The following UTRN variants were observed in gnomAD, a reference collection of about 807,000 sequenced individuals.
The protein encoded by UTRN is dystrophin-related protein 1.
Under a neutral mutation model 463.9 loss-of-function variants are expected in UTRN, and 283 were observed. That is an observed-to-expected ratio of 0.61 (90% CI 0.55 to 0.67). The LOEUF (loss-of-function observed/expected upper bound fraction) is 0.67. UTRN is among the 30% of genes least tolerant of loss of function. The pLI is 0.00. For missense variants in UTRN, 3,922 were observed against 4,084.3 expected (o/e 0.96, Z 1.08); for synonymous variants, 1,442 against 1,431.5 (o/e 1.01, Z -0.17).
chr6:144,760,689 G>A (rs1364786492), intron 58 of UTRN, among the ~76,000 whole-genome samples: 1 of 152,110 alleles, frequency 6.6e-6, no homozygotes, highest in African/African-American at 2.4e-5. Flanking sequence ...GAATGAAAAA[G>A]CTTTTAATAT....
At chr6:144,629,260 T>TA (rs1776265981) in intron 51 of UTRN, among the ~76,000 whole-genome samples, 1 of 151,768 alleles carries the variant, frequency 6.6e-6, no homozygotes, top group South Asian at 2.1e-4. Flanking sequence ...GGATGTGTAG[T>TA]AAAAAATCTA....
At chr6:144,667,083 C>T (rs900384311) in intron 51 of UTRN, among the ~76,000 whole-genome samples, 1 of 152,064 alleles carries the variant, frequency 6.6e-6, no homozygotes, top group Admixed American at 6.6e-5. Flanking sequence ...TAGAAGAAAT[C>T]CCCCTCTGTC....
At chr6:144,514,916 A>T in intron 37 of UTRN, 96 bp downstream of exon 37, 1 of 1,289,146 alleles carries the variant, frequency 7.8e-7, no homozygotes, top group Non-Finnish European at 1.0e-6. Flanking sequence ...TTGTTTTATT[A>T]TTTTAATTTT....
At chr6:144,490,262 G>GA in intron 31 of UTRN, 63 bp downstream of exon 31, 1 of 1,557,286 alleles carries the variant, frequency 6.4e-7, no homozygotes, top group East Asian at 2.3e-5. Flanking sequence ...TCAAAAAAGA[G>GA]AAAGAATTGA....
chr6:144,344,053 T>G lies in UTRN; in HGVS notation c.79+52146T>G, dbSNP rs73780534. ...GGTGTTTAGAGGAGGTGGGGTTAGG[T>G]TTAGTCAGATCCTCTCATGGGAAAA... On this transcript the variant is annotated intron_variant, in intron 2 of 74. Coordinates refer to ENST00000367545, the MANE Select transcript of UTRN (RefSeq NM_007124.3). 6.6e-3 allele frequency: 6,123 copies of G among 931,754 alleles called. 266 individuals carry two copies. In the African/African-American group the frequency reaches 0.098, roughly 15 times the overall value. 57.7% of individuals were successfully genotyped at this position (931,754 alleles called of 1,614,324 possible).
At chr6:144,322,164 T>C (rs1775699936) in intron 2 of UTRN, among the ~76,000 whole-genome samples, 1 of 152,262 alleles carries the variant, frequency 6.6e-6, no homozygotes, top group African/African-American at 2.4e-5. Flanking sequence ...GTTATTTTAT[T>C]ACAAGCAAAT....
At chr6:144,484,423 A>C (rs1333137372) in intron 27 of UTRN, among the ~76,000 whole-genome samples, 9 of 150,516 alleles carry the variant, frequency 6.0e-5, no homozygotes, top group Middle Eastern at 6.9e-3. Context: ...ATTTTGTTCA[A>C]AAACCAAACT....
rs1310696766 is a variant in UTRN, at chr6:144,534,826, C to T, written c.6233+1566C>T. ...TTTAAGTGTCACAGAGGAAGCATGCCGAAGCTGAGTTTTAAAGCATTTATA... is the reference window on the plus strand; with the variant it reads ...TTTAAGTGTCACAGAGGAAGCATGCTGAAGCTGAGTTTTAAAGCATTTATA... On this transcript the variant is annotated intron_variant, in intron 43 of 74. Coordinates refer to ENST00000367545, the MANE Select transcript of UTRN (RefSeq NM_007124.3). 4.6e-5 allele frequency among the ~76,000 whole-genome samples: 7 copies of T among 152,190 alleles called. No individual in the cohort carries two copies. The East Asian group carries it at 5.8e-4, about 13-fold the overall frequency.
rs538737787 is a variant in UTRN, at chr6:144,781,972, T to A, written c.8683T>A (p.Leu2895Met). ...TTNEIFKQHKLNQNDQLLSVP... is the reference protein window; with the variant it reads ...TTNEIFKQHKMNQNDQLLSVP... Reference sequence around the variant, plus strand: ...AAATGAAATTTTCAAACAGCACAAGTTGAACCAAAATGACCAGCTCCTCAG... The same window carrying A: ...AAATGAAATTTTCAAACAGCACAAGATGAACCAAAATGACCAGCTCCTCAG... Residue 2895 changes from leucine to methionine, a missense_variant, in exon 61 of 75, where the codon TTG (leucine) becomes ATG (methionine). This residue lies in a region of UTRN where 1,309 missense variants were observed against 1,452.6 expected (regional missense o/e 0.90). Coordinates refer to ENST00000367545, the MANE Select transcript of UTRN (RefSeq NM_007124.3). The A allele has an allele frequency of 6.2e-7, 1 of 1,614,072 alleles. No homozygotes were observed. The highest frequency in any genetic ancestry group is 1.1e-5 in the South Asian group (1 of 91,078).
At chr6:144,701,675 G>A (rs1409686272) in intron 53 of UTRN, among the ~76,000 whole-genome samples, 1 of 152,010 alleles carries the variant, frequency 6.6e-6, no homozygotes, top group Admixed American at 6.6e-5. Flanking sequence ...GTCATTTTAA[G>A]GTGACACTAT....
chr6:144,850,773 A>C (rs1158189416), intron 74 of UTRN, among the ~76,000 whole-genome samples: 1 of 152,220 alleles, frequency 6.6e-6, no homozygotes, highest in Non-Finnish European at 1.5e-5. Flanking sequence ...CCAAGAGAAA[A>C]GACTTTCAGA....
intron 51 of UTRN, among the ~76,000 whole-genome samples, chr6:144,587,221 A>C (rs1802550344): frequency 6.6e-6 from 1 of 152,124 alleles, no homozygotes; most frequent in Non-Finnish European, 1.5e-5. Flanking sequence ...TTGAGCTTTC[A>C]GTGTGGTGCT....
At chr6:144,699,426 C>A (rs1171711014) in intron 52 of UTRN, among the ~76,000 whole-genome samples, 3 of 127,132 alleles carry the variant, frequency 2.4e-5, no homozygotes, top group African/African-American at 9.3e-5. Flanking sequence ...GGTGACAGAG[C>A]AATACTCTGT....
At chr6:144,302,347 C>T (rs1805356570) in intron 2 of UTRN, among the ~76,000 whole-genome samples, 2 of 151,994 alleles carry the variant, frequency 1.3e-5, no homozygotes, top group South Asian at 4.1e-4. Flanking sequence ...CTCGTCTCTA[C>T]TAAAAATACA....
chr6:144,383,130 C>T (rs781159821), intron 2 of UTRN, among the ~76,000 whole-genome samples: 13 of 148,542 alleles, frequency 8.8e-5, no homozygotes, highest in Non-Finnish European at 1.5e-4. Context: ...CAGGGTTTTA[C>T]CATTTTGCCC....
At chr6:144,725,814 T>G (rs1398001600) in intron 53 of UTRN, among the ~76,000 whole-genome samples, 1 of 152,244 alleles carries the variant, frequency 6.6e-6, no homozygotes, top group Non-Finnish European at 1.5e-5. Context: ...AAAATTAAAT[T>G]TACAAAACAG....
At chr6:144,359,519 G>A (rs1203725384) in intron 2 of UTRN, among the ~76,000 whole-genome samples, 1 of 152,160 alleles carries the variant, frequency 6.6e-6, no homozygotes, top group Non-Finnish European at 1.5e-5. Flanking sequence ...GCCCTTCAGA[G>A]GACTGTAACA....
At chr6:144,840,560 A>G (rs1781479188) in intron 72 of UTRN, among the ~76,000 whole-genome samples, 180 bp from the exon 73 acceptor site, 1 of 152,224 alleles carries the variant, frequency 6.6e-6, no homozygotes, top group Non-Finnish European at 1.5e-5. Context: ...AAATTATATT[A>G]CCAACACTCA....
At position 144,808,064 on chromosome 6, in the gene UTRN, C is replaced by T. The variant is rs1778299395; in HGVS notation, c.9357+4917C>T. Among the ~76,000 whole-genome samples, 4 of 152,150 alleles carry T rather than the reference C, an allele frequency of 2.6e-5. No individual in the cohort carries two copies. The South Asian group carries it at 8.3e-4, about 32-fold the overall frequency. ...ACTCCATTAGGGAAATACACACACA[C>T]ACACGCAGTTAGCACATTGGAAAAT... On this transcript the variant is annotated intron_variant, in intron 65 of 74. Coordinates refer to ENST00000367545, the MANE Select transcript of UTRN (RefSeq NM_007124.3).
Sources: gnomAD v4.1 joint callset for allele counts (sites outside exome capture counted in the v4.1 genomes callset) on GRCh38, gnomAD v4.1.1 for gene constraint, gnomAD v4.1.1 regional missense constraint, MANE v1.5 for transcripts, NCBI Gene and HGNC (gene_info 2026-07-23, HGNC 2026-07-21) for gene names.